Variants in GSTT4 observed in about 807,000 individuals in gnomAD.
The protein encoded by GSTT4 is glutathione S-transferase theta-4.
downstream of GSTT4, among the ~76,000 whole-genome samples, chr22:23,997,914 T>C (rs5996651): frequency 0.23 from 35,133 of 151,610 alleles, 3,725 homozygotes; most frequent in African/African-American, 0.42. Flanking sequence ...TGTGATTTCT[T>C]CTTTAACCCA....
chr22:23,996,454 A>G (rs2034116371), downstream of GSTT4, among the ~76,000 whole-genome samples: 1 of 151,876 alleles, frequency 6.6e-6, no homozygotes, highest in Admixed American at 6.6e-5. Flanking sequence ...ATCTTTCACA[A>G]TGGATGAAGT....
chr22:23,993,944 C>T (rs1187872992), downstream of GSTT4, among the ~76,000 whole-genome samples: 2 of 152,194 alleles, frequency 1.3e-5, no homozygotes, highest in African/African-American at 4.8e-5. Context: ...CCAATATGGT[C>T]ACTCATAACT....
chr22:24,001,469 G>A (rs1253006836), intron 2 of GSTT4, 144 bp from the exon 3 acceptor site: 1 of 153,418 alleles, frequency 6.5e-6, no homozygotes, highest in Non-Finnish European at 1.5e-5. Flanking sequence ...CTTCACCAGA[G>A]CTGTCTGTCT....
rs1025972069 is a variant in GSTT4, at chr22:24,005,401, A to T, written c.-45T>A. 1 of 153,476 alleles carries T rather than the reference A, an allele frequency of 6.5e-6. No individual in the cohort carries two copies. Among genetic ancestry groups the T allele is most frequent in the African/African-American group, 2.4e-5 (1 of 41,500 alleles). 9.5% of individuals were successfully genotyped at this position (153,476 alleles called of 1,614,324 possible). A position where few individuals can be genotyped will look rare whatever the true frequency, so the allele number is the denominator to read the frequency against. ...CCCACAGCCGCAGTTGGCCAGCCACAGACCTGGGCCTATGTCTGGCCAGAG... is the reference window on the plus strand; with the variant it reads ...CCCACAGCCGCAGTTGGCCAGCCACTGACCTGGGCCTATGTCTGGCCAGAG... On this transcript the variant is annotated 5_prime_UTR_variant, in exon 1 of 5. Coordinates refer to ENST00000621179, the MANE Select transcript of GSTT4 (RefSeq NM_001358664.2).
downstream of GSTT4, among the ~76,000 whole-genome samples, chr22:23,993,989 A>C (rs1196148225): frequency 1.3e-5 from 2 of 152,220 alleles, no homozygotes; most frequent in South Asian, 4.1e-4. Context: ...TGGAAGCTAC[A>C]GGGTTTCATG....
At chr22:23,994,869 C>G (rs1178461590), downstream of GSTT4, among the ~76,000 whole-genome samples, 1 of 151,962 alleles carries the variant, frequency 6.6e-6, no homozygotes, top group Non-Finnish European at 1.5e-5. Context: ...CTACCCTTCC[C>G]CTTGAAGAAC....
downstream of GSTT4, among the ~76,000 whole-genome samples, chr22:23,993,906 C>A (rs138308072): frequency 6.6e-6 from 1 of 151,826 alleles, no homozygotes; most frequent in Non-Finnish European, 1.5e-5. Context: ...CCAGGATACA[C>A]GTTTATGGGG....
chr22:23,997,278 G>A (rs1234466468), downstream of GSTT4, among the ~76,000 whole-genome samples: 5 of 151,962 alleles, frequency 3.3e-5, no homozygotes, highest in African/African-American at 7.3e-5. Flanking sequence ...GTGCAGTGGT[G>A]CAATCATAGC....
At chr22:23,996,440 CT>C (rs2034116054), downstream of GSTT4, among the ~76,000 whole-genome samples, 1 of 150,366 alleles carries the variant, frequency 6.7e-6, no homozygotes, top group African/African-American at 2.4e-5. Context: ...GGGGGAAACG[CT>C]TGATCTTTCA....
At chr22:24,003,322 C>T (rs1299827214) in intron 2 of GSTT4, among the ~76,000 whole-genome samples, 7 of 148,402 alleles carry the variant, frequency 4.7e-5, no homozygotes, top group Non-Finnish European at 7.5e-5. Context: ...GCAGTCTTTC[C>T]GCCTCAGCCT....
downstream of GSTT4, among the ~76,000 whole-genome samples, chr22:23,993,783 G>A (rs140288): frequency 0.43 from 61,223 of 143,528 alleles, 10,724 homozygotes; most frequent in South Asian, 0.55. Flanking sequence ...ATTGGTTGGC[G>A]ATCACGTGAT....
chr22:24,002,786 G>C (rs1384865223), intron 2 of GSTT4, among the ~76,000 whole-genome samples: 7 of 146,860 alleles, frequency 4.8e-5, no homozygotes, highest in Non-Finnish European at 7.4e-5. Flanking sequence ...AGCCAAGATA[G>C]CGCCACTGCA....
downstream of GSTT4, among the ~76,000 whole-genome samples, chr22:23,995,924 T>C (rs1000751748): frequency 2.6e-5 from 4 of 152,142 alleles, no homozygotes; most frequent in African/African-American, 9.7e-5. Flanking sequence ...GTATTAATCT[T>C]GTACCCTGCA....
Position 24,003,743 on chromosome 22 carries a change from C to T in GSTT4, c.200+17G>A, listed in dbSNP as rs151207891. 650 of 155,348 alleles carry T rather than the reference C, an allele frequency of 4.2e-3. No individual in the cohort carries two copies. The highest frequency in any genetic ancestry group is 6.5e-3 in the Non-Finnish European group (447 of 68,324). The allele number at this position is 155,348 out of a possible 1,614,324, so 9.6% of individuals were successfully genotyped here. A position where few individuals can be genotyped will look rare whatever the true frequency, so the allele number is the denominator to read the frequency against. ...GAAGCAGAGACAGATGGTGCAAGGG[C>T]CCCAGGGAAGACTTACCTTTCACTT... On this transcript the variant is annotated intron_variant, in intron 2 of 4. Coordinates refer to ENST00000621179, the MANE Select transcript of GSTT4 (RefSeq NM_001358664.2).
At chr22:23,990,654 A>G in the GSTT4 span, among the ~76,000 whole-genome samples, 1 of 32,748 alleles carries the variant, frequency 3.1e-5, no homozygotes, top group East Asian at 6.0e-4. Flanking sequence ...ATAAATAAAT[A>G]AACAAACAAA....
the GSTT4 span, among the ~76,000 whole-genome samples, chr22:23,989,907 C>A: frequency 1.3e-5 from 2 of 151,202 alleles, no homozygotes; most frequent in Middle Eastern, 3.4e-3. Context: ...CATGCACACC[C>A]CTGCCCATTC....
downstream of GSTT4, among the ~76,000 whole-genome samples, chr22:23,994,443 A>G (rs555639313): frequency 3.8e-3 from 578 of 151,696 alleles, 3 homozygotes; most frequent in Non-Finnish European, 6.3e-3. Context: ...CCTGGTTACC[A>G]TTCATCTACT....
intron 2 of GSTT4, among the ~76,000 whole-genome samples, chr22:24,003,153 T>G (rs1300164208): frequency 6.6e-6 from 1 of 152,232 alleles, no homozygotes; most frequent in Non-Finnish European, 1.5e-5. Flanking sequence ...TTTTTTTGTT[T>G]GTTTTAAGAA....
At chr22:23,991,159 CAG>C in the GSTT4 span, among the ~76,000 whole-genome samples, 4 of 80,704 alleles carry the variant, frequency 5.0e-5, 2 homozygotes, top group Non-Finnish European at 1.1e-4. Flanking sequence ...GCCTGAGTGA[CAG>C]AGTTAGATGC....
Sources: allele counts gnomAD v4.1 joint callset (sites outside exome capture counted in the v4.1 genomes callset), GRCh38; gene constraint gnomAD v4.1.1; transcripts MANE v1.5; gene names NCBI Gene and HGNC (gene_info 2026-07-23, HGNC 2026-07-21).